MEIS2: variants seen among roughly 807,000 people sequenced by gnomAD.
The protein encoded by MEIS2 is Meis homeobox 2, also known as homeobox protein Meis2.
MEIS2 carries 9 observed loss-of-function variants against 58.6 expected under a neutral mutation model. That is an observed-to-expected ratio of 0.15 (90% CI 0.09 to 0.27). The LOEUF is 0.27. Among genes scored for constraint, MEIS2 ranks in the 10% least tolerant of loss-of-function variants. MEIS2 has a pLI of 1.00. For synonymous variants in MEIS2, 221 were observed against 228.4 expected (o/e 0.97, Z 0.29); for missense variants, 427 against 635.0 (o/e 0.67, Z 3.52).
rs75757667 is a variant in MEIS2, at chr15:37,068,555, C to T, written c.754+15216G>A. ...ATCACAAACTAAGCACTGAGCACTC[C>T]GCACTCATTATGAGGGTGCTACACA... On this transcript the variant is annotated intron_variant, in intron 7 of 11. Coordinates refer to ENST00000561208, the MANE Select transcript of MEIS2 (RefSeq NM_170675.5). Among the ~76,000 whole-genome samples the T allele has an allele frequency of 8.6e-3, 1,311 of 152,268 alleles. 26 individuals carry two copies. Among genetic ancestry groups the T allele is most frequent in the East Asian group, 0.067 (349 of 5,174 alleles).
intron 7 of MEIS2, among the ~76,000 whole-genome samples, chr15:37,078,960 T>G (rs936202783): frequency 2.0e-5 from 3 of 152,132 alleles, no homozygotes; most frequent in Non-Finnish European, 4.4e-5. Context: ...ATAGAAACCT[T>G]TTAAGCATTT....
chr15:36,980,550 C>G (rs775086779), intron 8 of MEIS2, among the ~76,000 whole-genome samples: 1 of 152,080 alleles, frequency 6.6e-6, no homozygotes, highest in South Asian at 2.1e-4. Context: ...ATGGGAAACA[C>G]CTGCCCCCAT....
intron 8 of MEIS2, among the ~76,000 whole-genome samples, chr15:37,019,183 T>C (rs2061443448): frequency 6.6e-6 from 1 of 152,036 alleles, no homozygotes; most frequent in African/African-American, 2.4e-5. Flanking sequence ...AGATGAAGAG[T>C]TAAAGATGTT....
intron 8 of MEIS2, among the ~76,000 whole-genome samples, chr15:36,997,116 T>C (rs1028923017): frequency 1.3e-5 from 2 of 152,234 alleles, no homozygotes; most frequent in Admixed American, 6.5e-5. Flanking sequence ...TTTCGAGCTA[T>C]GCCTTGAGCA....
intron 8 of MEIS2, among the ~76,000 whole-genome samples, chr15:37,005,552 C>T (rs897456540): frequency 6.6e-6 from 1 of 152,134 alleles, no homozygotes; most frequent in Non-Finnish European, 1.5e-5. Flanking sequence ...GTAGGCCAGT[C>T]CTACCCATCA....
intron 9 of MEIS2, among the ~76,000 whole-genome samples, chr15:36,922,751 G>T (rs1198148124): frequency 1.3e-5 from 2 of 150,992 alleles, no homozygotes; most frequent in Non-Finnish European, 2.9e-5. Context: ...TTCCCGAGTA[G>T]CTGGCGCATG....
intron 8 of MEIS2, among the ~76,000 whole-genome samples, chr15:37,008,804 T>C (rs1242565311): frequency 1.3e-5 from 2 of 152,180 alleles, no homozygotes; most frequent in Non-Finnish European, 2.9e-5. Context: ...GAACGCATTA[T>C]AGGAACAAAC....
intron 8 of MEIS2, among the ~76,000 whole-genome samples, chr15:37,022,803 C>T (rs1189044557): frequency 6.6e-6 from 1 of 151,970 alleles, no homozygotes; most frequent in Non-Finnish European, 1.5e-5. Flanking sequence ...ACTACAGGCG[C>T]CTGCCAGAAC....
intron 1 of MEIS2, chr15:37,098,910 T>G: frequency 1.0e-6 from 1 of 985,350 alleles, no homozygotes. Flanking sequence ...CCAGAAACAT[T>G]ATTTAGCAGC....
At chr15:36,936,544 G>A (rs1049486303) in intron 9 of MEIS2, among the ~76,000 whole-genome samples, 1 of 152,178 alleles carries the variant, frequency 6.6e-6, no homozygotes, top group East Asian at 1.9e-4. Context: ...CCAAAAGTGA[G>A]TGCAATTGAG....
At chr15:37,010,001 G>C (rs1264835513) in intron 8 of MEIS2, among the ~76,000 whole-genome samples, 1 of 152,178 alleles carries the variant, frequency 6.6e-6, no homozygotes, top group African/African-American at 2.4e-5. Context: ...ATGGAGGTAA[G>C]GGAGACACAC....
At chr15:37,089,201 A>G (rs987526591) in intron 6 of MEIS2, among the ~76,000 whole-genome samples, 14 of 152,166 alleles carry the variant, frequency 9.2e-5, no homozygotes, top group African/African-American at 2.9e-4. Context: ...ATAGCATACC[A>G]TAAGGTCTCA....
chr15:36,901,101 T>C (rs2056447317), intron 9 of MEIS2: 1 of 152,194 alleles, frequency 6.6e-6, no homozygotes. Context: ...GACTGAACCG[T>C]TGAAGAGAGA....
intron 8 of MEIS2, among the ~76,000 whole-genome samples, chr15:37,021,461 T>C (rs986213904): frequency 2.0e-5 from 3 of 152,268 alleles, no homozygotes; most frequent in African/African-American, 7.2e-5. Flanking sequence ...CTCCAATATG[T>C]ATGACAAAGG....
chr15:36,922,837 C>T (rs1044756324), intron 9 of MEIS2, among the ~76,000 whole-genome samples: 5 of 151,536 alleles, frequency 3.3e-5, no homozygotes, highest in South Asian at 4.2e-4. Flanking sequence ...AGGCTGCTCT[C>T]GAACTCCTGA....
At chr15:37,011,540 G>A (rs181833628) in intron 8 of MEIS2, among the ~76,000 whole-genome samples, 5 of 150,006 alleles carry the variant, frequency 3.3e-5, no homozygotes, top group African/African-American at 1.2e-4. Context: ...GTCAGTAGCT[G>A]CATTTGACTT....
intron 6 of MEIS2, among the ~76,000 whole-genome samples, chr15:37,087,930 T>C (rs1348390268): frequency 2.6e-5 from 4 of 152,030 alleles, no homozygotes; most frequent in African/African-American, 9.7e-5. Context: ...AGAAGTAAAA[T>C]GTATGAGGCT....
chr15:37,077,903 C>A (rs1891627902), intron 7 of MEIS2, among the ~76,000 whole-genome samples: 1 of 152,074 alleles, frequency 6.6e-6, no homozygotes, highest in African/African-American at 2.4e-5. Context: ...CTGCATCTAA[C>A]ACGCCACCAG....
intron 8 of MEIS2, among the ~76,000 whole-genome samples, chr15:36,973,705 G>C (rs1428955533): frequency 6.6e-6 from 1 of 151,994 alleles, no homozygotes; most frequent in Non-Finnish European, 1.5e-5. Context: ...CTGGAGTAAT[G>C]ACGTTCAAAT....
Sources: allele counts gnomAD v4.1 joint callset (sites outside exome capture counted in the v4.1 genomes callset), GRCh38; gene constraint gnomAD v4.1.1; transcripts MANE v1.5; gene names NCBI Gene and HGNC (gene_info 2026-07-23, HGNC 2026-07-21).